The following CAST variants were observed in gnomAD, a reference collection of about 807,000 sequenced individuals.
CAST encodes calpastatin.
In CAST, 76 loss-of-function variants were observed where a neutral mutation model predicts 119.6. That is an observed-to-expected ratio of 0.64 (90% CI 0.53 to 0.77). The LOEUF is 0.77. Among genes scored for constraint, CAST ranks in the 30% least tolerant of loss-of-function variants. The pLI, the probability that CAST is intolerant of heterozygous loss-of-function variation, is 0.00. For synonymous variants in CAST, 319 were observed against 331.6 expected (o/e 0.96, Z 0.41); for missense variants, 953 against 946.5 (o/e 1.01, Z -0.09).
At chr5:96,427,205 C>G in the CAST span, among the ~76,000 whole-genome samples, 1 of 152,036 alleles carries the variant, frequency 6.6e-6, no homozygotes, top group Admixed American at 6.6e-5. Context: ...AAATGAAAAC[C>G]AAGAGCAATT....
At chr5:96,396,935 C>T in the CAST span, among the ~76,000 whole-genome samples, 16 of 152,194 alleles carry the variant, frequency 1.1e-4, no homozygotes, top group Admixed American at 6.5e-4. Context: ...GCAGAATAAT[C>T]ATAAGCATGC....
the CAST span, among the ~76,000 whole-genome samples, chr5:96,133,631 T>C: frequency 6.6e-6 from 1 of 152,224 alleles, no homozygotes; most frequent in Non-Finnish European, 1.5e-5. Flanking sequence ...ATTTTCCTTC[T>C]GAATAAGGCT....
chr5:96,182,467 C>A, the CAST span, among the ~76,000 whole-genome samples: 1 of 152,094 alleles, frequency 6.6e-6, no homozygotes, highest in Non-Finnish European at 1.5e-5. Context: ...AATTACAGTG[C>A]GAGGTGGGTG....
chr5:96,390,883 G>T, the CAST span: 2 of 152,734 alleles, frequency 1.3e-5, no homozygotes, highest in East Asian at 3.8e-4. Context: ...TCTTGAGAGT[G>T]AACCTTTGGC....
chr5:96,519,941 T>TA, the CAST span, among the ~76,000 whole-genome samples: 69 of 152,290 alleles, frequency 4.5e-4, no homozygotes, highest in African/African-American at 1.6e-3. Context: ...TTTCCCTTTT[T>TA]AAAAAAACTA....
the CAST span, among the ~76,000 whole-genome samples, chr5:96,382,628 G>T: frequency 6.6e-6 from 1 of 152,226 alleles, no homozygotes; most frequent in Admixed American, 6.5e-5. Context: ...CAGAGGGCAT[G>T]TCCACATAGT....
chr5:96,663,179 G>C (rs1388168909), intron 1 of CAST: 1 of 702,706 alleles, frequency 1.4e-6, no homozygotes, highest in Admixed American at 2.0e-5. Context: ...AAATAGGAGC[G>C]GTTGTGCCTG....
chr5:96,099,755 A>G, the CAST span, among the ~76,000 whole-genome samples: 1 of 152,162 alleles, frequency 6.6e-6, no homozygotes, highest in Non-Finnish European at 1.5e-5. Context: ...TTTTGCATTG[A>G]TGTTCATCAA....
chr5:96,320,872 G>A, the CAST span, among the ~76,000 whole-genome samples: 57 of 152,222 alleles, frequency 3.7e-4, 1 homozygote, highest in Non-Finnish European at 1.9e-4. Context: ...AACAGAGGTG[G>A]CACACCAGCA....
At chr5:96,475,116 T>C in the CAST span, among the ~76,000 whole-genome samples, 4 of 152,150 alleles carry the variant, frequency 2.6e-5, no homozygotes, top group Admixed American at 6.5e-5. Flanking sequence ...AGTCAGTCTC[T>C]CCTCATCCGT....
At chr5:96,675,448 A>T in intron 1 of CAST, 91 bp from the exon 2 acceptor site, 1 of 867,586 alleles carries the variant, frequency 1.2e-6, no homozygotes, top group Non-Finnish European at 1.9e-6. Flanking sequence ...TCGTTTTTTA[A>T]AAAAGGGTAT....
intron 1 of CAST, among the ~76,000 whole-genome samples, chr5:96,670,623 G>A (rs1329035839): frequency 6.6e-6 from 1 of 152,096 alleles, no homozygotes; most frequent in African/African-American, 2.4e-5. Flanking sequence ...TCAGCCTCCG[G>A]AGTAGCTGGG....
In CAST at chr5:96,729,144, A is replaced by T. The variant is rs189416381; in HGVS notation, c.379-9A>T. The T allele has an allele frequency of 1.9e-6, 3 of 1,558,478 alleles. No individual in the cohort carries two copies. In the East Asian group the frequency reaches 6.8e-5, roughly 35 times the overall value. On this transcript the variant is annotated splice_polypyrimidine_tract_variant and intron_variant, in intron 6 of 31. Coordinates refer to ENST00000675179, the MANE Select transcript of CAST (RefSeq NM_001750.7). Reference sequence around the variant, plus strand: ...AGTGTAATCAAGTTTAATCTTTTGAAATTGACAGCTGTCTGTGGTTCATGA... The same window carrying T: ...AGTGTAATCAAGTTTAATCTTTTGATATTGACAGCTGTCTGTGGTTCATGA...
Position 96,768,702 on chromosome 5 carries a change from C to T in CAST, c.2268+703C>T, listed in dbSNP as rs756570973. ...AGGCCCTAACTACATCAGGCACTCT[C>T]ATGCTCATTTGCTCTCTGGAGCTTC... On this transcript the variant is annotated intron_variant, in intron 29 of 31. Transcript: ENST00000675179. Among the ~76,000 whole-genome samples the T allele has an allele frequency of 2.2e-4, 33 of 152,334 alleles. 1 individual carries two copies. The highest frequency in any genetic ancestry group is 1.0e-3 in the South Asian group (5 of 4,830).
At chr5:96,655,950 G>A (rs1257737133) in intron 1 of CAST, among the ~76,000 whole-genome samples, 1 of 152,208 alleles carries the variant, frequency 6.6e-6, no homozygotes, top group Non-Finnish European at 1.5e-5. Flanking sequence ...TAATAAACAT[G>A]AACAGGCAAA....
the CAST span, among the ~76,000 whole-genome samples, chr5:96,069,944 G>C: frequency 6.6e-6 from 1 of 152,180 alleles, no homozygotes; most frequent in Middle Eastern, 3.4e-3. Context: ...TTGAAGCCAG[G>C]AGTTTGAGAC....
the CAST span, among the ~76,000 whole-genome samples, chr5:96,363,645 T>C: frequency 6.6e-6 from 1 of 152,206 alleles, no homozygotes; most frequent in Non-Finnish European, 1.5e-5. Flanking sequence ...TTGTCTGTTA[T>C]TGGTGTATAA....
chr5:96,646,371 G>A (rs1353017752), intron 1 of CAST, among the ~76,000 whole-genome samples: 1 of 152,192 alleles, frequency 6.6e-6, no homozygotes, highest in Non-Finnish European at 1.5e-5. Flanking sequence ...AACCAGCTAA[G>A]TGGCTACCAC....
upstream of CAST, among the ~76,000 whole-genome samples, chr5:96,659,353 A>G (rs1415064929): frequency 1.3e-5 from 2 of 152,248 alleles, no homozygotes; most frequent in Admixed American, 6.5e-5. Context: ...AGCAAAGAGC[A>G]ATAAAATGAG....
Sources: gnomAD v4.1 joint callset for allele counts (sites outside exome capture counted in the v4.1 genomes callset) on GRCh38, gnomAD v4.1.1 for gene constraint, MANE v1.5 for transcripts, NCBI Gene and HGNC (gene_info 2026-07-23, HGNC 2026-07-21) for gene names.